The following ARHGEF7 variants were observed in gnomAD, a reference collection of about 807,000 sequenced individuals.
The protein encoded by ARHGEF7 is Rho guanine nucleotide exchange factor 7.
A neutral mutation model predicts 109.8 loss-of-function variants in ARHGEF7; 33 were observed. The ratio of observed to expected loss-of-function variants is 0.30; its 90% CI spans 0.23 to 0.40. The LOEUF is 0.40. ARHGEF7 is among the 10% of genes least tolerant of loss of function. The pLI is 1.00. For missense variants in ARHGEF7, 938 were observed against 1,098.5 expected (o/e 0.85, Z 2.07); for synonymous variants, 458 against 424.6 (o/e 1.08, Z -0.97).
At chr13:111,141,370 T>TA (rs981512408) in intron 1 of ARHGEF7, among the ~76,000 whole-genome samples, 1 of 150,078 alleles carries the variant, frequency 6.7e-6, no homozygotes, top group Non-Finnish European at 1.5e-5. Context: ...TTTTTTTTTT[T>TA]AAATTACATT....
intron 2 of ARHGEF7, among the ~76,000 whole-genome samples, chr13:111,172,451 G>A (rs1182250944): frequency 6.6e-6 from 1 of 152,166 alleles, no homozygotes; most frequent in African/African-American, 2.4e-5. Flanking sequence ...TCCAAGTCAC[G>A]TGGTGGTGCC....
intron 2 of ARHGEF7, among the ~76,000 whole-genome samples, chr13:111,192,368 C>T (rs1013548280): frequency 1.3e-5 from 2 of 152,208 alleles, no homozygotes; most frequent in Non-Finnish European, 2.9e-5. Context: ...GTTGAAACAA[C>T]TCTGTTCCCT....
chr13:111,262,075 A>T (rs1293286859), intron 8 of ARHGEF7, among the ~76,000 whole-genome samples: 1 of 152,204 alleles, frequency 6.6e-6, no homozygotes, highest in Non-Finnish European at 1.5e-5. Context: ...AGCAAACCAA[A>T]CCCAAAATTG....
In ARHGEF7 at chr13:111,179,626, G is replaced by T. The variant is rs531452529; in HGVS notation, c.252+25635G>T. On this transcript the variant is annotated intron_variant, in intron 2 of 21. Transcript: ENST00000646102. ...TGGTGGTCTCAGAATGACGTTTATGGCTTTTCTTTCTGTTAAATGTAGGAT... is the reference window on the plus strand; with the variant it reads ...TGGTGGTCTCAGAATGACGTTTATGTCTTTTCTTTCTGTTAAATGTAGGAT... Among the ~76,000 whole-genome samples, 32 of 152,234 alleles carry T rather than the reference G, an allele frequency of 2.1e-4. 1 individual carries two copies. The South Asian group carries it at 6.4e-3, about 31-fold the overall frequency.
intron 2 of ARHGEF7, among the ~76,000 whole-genome samples, chr13:111,157,994 T>A (rs2076470153): frequency 6.6e-6 from 1 of 152,200 alleles, no homozygotes; most frequent in South Asian, 2.1e-4. Context: ...TGTTTACCAG[T>A]TTTTTATTTC....
chr13:111,186,800 C>T, intron 2 of ARHGEF7: 1 of 985,400 alleles, frequency 1.0e-6, no homozygotes, highest in Non-Finnish European at 1.2e-6. Context: ...CTTCAGTGAG[C>T]CCAGAAAGTG....
At chr13:111,150,767 T>C (rs1006455861) in intron 1 of ARHGEF7, among the ~76,000 whole-genome samples, 2 of 152,218 alleles carry the variant, frequency 1.3e-5, no homozygotes, top group Non-Finnish European at 2.9e-5. Context: ...GTTTGTATTA[T>C]GCCCTGAGGG....
chr13:111,183,767 T>C (rs192597435), intron 2 of ARHGEF7, among the ~76,000 whole-genome samples: 1 of 152,302 alleles, frequency 6.6e-6, no homozygotes, highest in African/African-American at 2.4e-5. Context: ...TTTTTGCTAA[T>C]TGTACCGGTT....
At chr13:111,128,356 G>T (rs190156312) in intron 1 of ARHGEF7, among the ~76,000 whole-genome samples, 1 of 152,200 alleles carries the variant, frequency 6.6e-6, no homozygotes, top group Admixed American at 6.5e-5. Flanking sequence ...AGCTGGATGT[G>T]GTGGCTCACA....
chr13:111,217,870 C>T lies in ARHGEF7; in HGVS notation c.660C>T (p.Val220=). Residue 220 remains valine, a synonymous_variant, in exon 5 of 22, where the codon GTC becomes GTT. Transcript: ENST00000646102. ...TCCCCAGCAACTACGTGCGCGAGGTCAAGGCCAGCGGTAAGTGGCCGAGCC... is the reference window on the plus strand; with the variant it reads ...TCCCCAGCAACTACGTGCGCGAGGTTAAGGCCAGCGGTAAGTGGCCGAGCC... ...GWFPSNYVRE[V]KASEKPVSPK... is the part of the protein sequence containing the mutation. 1 of 1,611,532 alleles carries T rather than the reference C, an allele frequency of 6.2e-7. No individual in the cohort carries two copies. The highest frequency in any genetic ancestry group is 8.5e-7 in the Non-Finnish European group (1 of 1,178,022).
chr13:111,185,883 G>C (rs1356853970), intron 2 of ARHGEF7, among the ~76,000 whole-genome samples: 1 of 152,020 alleles, frequency 6.6e-6, no homozygotes, highest in Non-Finnish European at 1.5e-5. Context: ...CAGTGTGGTG[G>C]TGTGGGCAAA....
chr13:111,247,655 C>T (rs1005089866), intron 8 of ARHGEF7, among the ~76,000 whole-genome samples: 1 of 152,110 alleles, frequency 6.6e-6, no homozygotes. Flanking sequence ...TCACAGCTGC[C>T]TGTTGGTTAG....
chr13:111,266,497 G>A lies in ARHGEF7; in HGVS notation c.951-1051G>A, dbSNP rs528014580. ...TTTCTGTATCATGAACTTTTATTCT[G>A]ATGTGGAATGACTATCATATTTCCT... On this transcript the variant is annotated intron_variant, in intron 8 of 21. Transcript: ENST00000646102. The surrounding 1 kb of genome is among the most constrained non-coding windows in gnomAD (Gnocchi z 4.8). Among the ~76,000 whole-genome samples, 2 of 152,242 alleles carry A rather than the reference G, an allele frequency of 1.3e-5. No individual in the cohort carries two copies. Among genetic ancestry groups the A allele is most frequent in the African/African-American group, 2.4e-5 (1 of 41,520 alleles).
intron 2 of ARHGEF7, among the ~76,000 whole-genome samples, chr13:111,194,455 T>A (rs781738352): frequency 5.3e-5 from 8 of 152,174 alleles, no homozygotes; most frequent in African/African-American, 1.4e-4. Flanking sequence ...TGCAACTGTT[T>A]TAATGTCTTA....
At chr13:111,218,132 T>C (rs951270498) in intron 5 of ARHGEF7, among the ~76,000 whole-genome samples, 1 of 152,192 alleles carries the variant, frequency 6.6e-6, no homozygotes, top group Non-Finnish European at 1.5e-5. Context: ...ACATCTCGAA[T>C]CTTTATCATT....
intron 1 of ARHGEF7, among the ~76,000 whole-genome samples, chr13:111,119,670 G>A (rs1166956328): frequency 6.6e-6 from 1 of 152,168 alleles, no homozygotes. Context: ...AGCCCTAGGT[G>A]ATTTTCCACA....
chr13:111,121,651 A>T (rs189923319), intron 1 of ARHGEF7, among the ~76,000 whole-genome samples: 28 of 152,300 alleles, frequency 1.8e-4, no homozygotes, highest in Middle Eastern at 3.4e-3. Flanking sequence ...TTGGGCACGC[A>T]ACTCTACCAC....
chr13:111,149,769 T>A, intron 1 of ARHGEF7, among the ~76,000 whole-genome samples: 1 of 152,342 alleles, frequency 6.6e-6, no homozygotes, highest in Non-Finnish European at 1.5e-5. Flanking sequence ...TACACATACA[T>A]ATACAGTACT....
chr13:111,123,898 CT>C (rs1423091731), intron 1 of ARHGEF7, among the ~76,000 whole-genome samples: 1 of 147,102 alleles, frequency 6.8e-6, no homozygotes. Flanking sequence ...GCCCCTGCGG[CT>C]GCCAGGCCTG....
Sources: gnomAD v4.1 joint callset for allele counts (sites outside exome capture counted in the v4.1 genomes callset) on GRCh38, gnomAD v4.1.1 for gene constraint, Gnocchi (gnomAD v3.1) non-coding constraint, MANE v1.5 for transcripts, NCBI Gene and HGNC (gene_info 2026-07-23, HGNC 2026-07-21) for gene names.